Variants in AFG2A observed in about 807,000 individuals in gnomAD.
The protein encoded by AFG2A is AAA ATPase AFG2A.
At chr4:123,148,277 A>G in the AFG2A span, among the ~76,000 whole-genome samples, 1 of 152,200 alleles carries the variant, frequency 6.6e-6, no homozygotes, top group Non-Finnish European at 1.5e-5. Context: ...ACTAAGAGCT[A>G]CGTGTGCATA....
the AFG2A span, among the ~76,000 whole-genome samples, chr4:122,986,103 G>A: frequency 9.9e-5 from 15 of 151,774 alleles, no homozygotes; most frequent in African/African-American, 2.4e-4. Context: ...TTTTGGAGTC[G>A]GTTTCCAATT....
the AFG2A span, among the ~76,000 whole-genome samples, chr4:123,255,162 G>A: frequency 6.6e-6 from 1 of 151,970 alleles, no homozygotes; most frequent in African/African-American, 2.4e-5. Context: ...ATGTCGTTTT[G>A]TCATGTTGCC....
the AFG2A span, among the ~76,000 whole-genome samples, chr4:123,155,980 T>C: frequency 6.6e-6 from 1 of 152,214 alleles, no homozygotes; most frequent in South Asian, 2.1e-4. Flanking sequence ...AGAGATTGAA[T>C]TGGCTCATGG....
chr4:122,958,691 A>T, the AFG2A span, among the ~76,000 whole-genome samples: 1 of 152,192 alleles, frequency 6.6e-6, no homozygotes, highest in Non-Finnish European at 1.5e-5. Context: ...TTCCCAGGTG[A>T]TGCTAATGCT....
the AFG2A span, among the ~76,000 whole-genome samples, chr4:123,005,480 A>G: frequency 6.6e-6 from 1 of 151,832 alleles, no homozygotes; most frequent in Admixed American, 6.6e-5. Flanking sequence ...TCTGTTTTCT[A>G]TTTTATTTAT....
chr4:123,263,939 C>A, the AFG2A span, among the ~76,000 whole-genome samples: 2 of 152,086 alleles, frequency 1.3e-5, no homozygotes, highest in Non-Finnish European at 2.9e-5. Context: ...TTCACAATTA[C>A]AAAAATATGG....
the AFG2A span, among the ~76,000 whole-genome samples, chr4:123,230,035 T>C: frequency 1.3e-5 from 2 of 151,960 alleles, no homozygotes; most frequent in African/African-American, 4.8e-5. Flanking sequence ...CAGCAAATCA[T>C]AGTCTTTGCT....
the AFG2A span, among the ~76,000 whole-genome samples, chr4:123,124,553 G>A: frequency 1.9e-5 from 1 of 51,956 alleles, no homozygotes; most frequent in Admixed American, 2.7e-4. Flanking sequence ...CGAGTTAATG[G>A]GTATAGCACA....
the AFG2A span, among the ~76,000 whole-genome samples, chr4:123,061,027 G>T: frequency 6.6e-6 from 1 of 152,158 alleles, no homozygotes; most frequent in African/African-American, 2.4e-5. Flanking sequence ...TTTCCAACAT[G>T]TTCCTCATTT....
the AFG2A span, among the ~76,000 whole-genome samples, chr4:123,233,575 C>A: frequency 6.6e-6 from 1 of 152,050 alleles, no homozygotes; most frequent in African/African-American, 2.4e-5. Context: ...GGTTGGAAAT[C>A]ATGCCTTTCC....
At chr4:123,084,728 G>A in the AFG2A span, among the ~76,000 whole-genome samples, 5 of 151,758 alleles carry the variant, frequency 3.3e-5, no homozygotes, top group South Asian at 4.2e-4. Flanking sequence ...TCCCTGGCTC[G>A]AGTGATCCTC....
the AFG2A span, among the ~76,000 whole-genome samples, chr4:122,939,699 T>C: frequency 1.3e-5 from 2 of 152,108 alleles, no homozygotes; most frequent in African/African-American, 4.8e-5. Flanking sequence ...GTTACATATG[T>C]ATACATGTGC....
At chr4:123,153,979 A>G in the AFG2A span, among the ~76,000 whole-genome samples, 7 of 152,242 alleles carry the variant, frequency 4.6e-5, no homozygotes, top group Non-Finnish European at 1.0e-4. Flanking sequence ...ATCCCTTAAC[A>G]TATGAAAGTG....
the AFG2A span, among the ~76,000 whole-genome samples, chr4:122,940,212 CT>C: frequency 6.6e-6 from 1 of 152,030 alleles, no homozygotes; most frequent in African/African-American, 2.4e-5. Flanking sequence ...GCCACACTGA[CT>C]TCCACAATGG....
chr4:123,245,580 T>A, the AFG2A span, among the ~76,000 whole-genome samples: 1 of 152,176 alleles, frequency 6.6e-6, no homozygotes, highest in Non-Finnish European at 1.5e-5. Context: ...AGTATGTGTA[T>A]GTGTGTGCAT....
At chr4:122,940,674 T>G in the AFG2A span, among the ~76,000 whole-genome samples, 1 of 152,192 alleles carries the variant, frequency 6.6e-6, no homozygotes, top group Non-Finnish European at 1.5e-5. Context: ...TTGTTGCCAT[T>G]GCTTTTGGTG....
At chr4:123,113,076 T>C in the AFG2A span, among the ~76,000 whole-genome samples, 1 of 152,218 alleles carries the variant, frequency 6.6e-6, no homozygotes, top group African/African-American at 2.4e-5. Flanking sequence ...TGGCTTTTTT[T>C]CTCCAATGTG....
the AFG2A span, among the ~76,000 whole-genome samples, chr4:123,285,412 A>G: frequency 6.6e-6 from 1 of 151,736 alleles, no homozygotes; most frequent in South Asian, 2.1e-4. Context: ...ATTTTTTCTC[A>G]TTACCTGAGA....
chr4:123,216,354 A>G, the AFG2A span, among the ~76,000 whole-genome samples: 100 of 152,306 alleles, frequency 6.6e-4, 1 homozygote, highest in African/African-American at 2.2e-3. Flanking sequence ...CTTTTGTCCT[A>G]TAAATTCTAT....
Sources: gnomAD v4.1 joint callset for allele counts (sites outside exome capture counted in the v4.1 genomes callset) on GRCh38, gnomAD v4.1.1 for gene constraint, MANE v1.5 for transcripts, NCBI Gene and HGNC (gene_info 2026-07-23, HGNC 2026-07-21) for gene names.